The following DNMT3A variants were observed in gnomAD, a reference collection of about 807,000 sequenced individuals.
The protein encoded by DNMT3A is DNA methyltransferase 3 alpha.
Under a neutral mutation model 117.6 loss-of-function variants are expected in DNMT3A, and 267 were observed. That is an observed-to-expected ratio of 2.27 (90% CI 2.05 to 2.51). The LOEUF (loss-of-function observed/expected upper bound fraction) is 2.51, where lower values mean the gene tolerates loss of function less well. Among genes scored for constraint, DNMT3A ranks in the 30% most tolerant of loss-of-function variants. DNMT3A has a pLI of 0.00. For synonymous variants in DNMT3A, 432 were observed against 474.8 expected, an observed-to-expected ratio of 0.91 and a Z score of 1.17; for missense variants, 1,029 against 1,260.2, an observed-to-expected ratio of 0.82 and a Z score of 2.78.
rs1304501372 is a variant in DNMT3A, at chr2:25,246,750, C to T, written c.1149G>A (p.Leu383=). 3.1e-6 allele frequency: 5 copies of T among 1,613,718 alleles called. No individual in the cohort carries two copies. In the African/African-American group the frequency reaches 5.3e-5, roughly 17 times the overall value. The change falls in exon 10 of 23, where the codon CTG becomes CTA. Residue 383 remains leucine (L), a synonymous_variant. Coordinates refer to ENST00000321117, the MANE Select transcript of DNMT3A (RefSeq NM_022552.5). ...CATCGCTGTCGTGGCACACCGGGAA[C>T]AGCTTCCCCGCGCGGCTGCTGGCCA... The part of the protein sequence containing the change: ...LQVASSRAGK[L]FPVCHDSDES...
In DNMT3A at chr2:25,230,488, C is replaced by T. The variant is rs994985616; in HGVS notation, c.*3791G>A. The T allele has an allele frequency of 6.6e-6, 1 of 152,256 alleles. No homozygotes were observed. The highest frequency in any genetic ancestry group is 1.5e-5 in the Non-Finnish European group (1 of 68,062). The allele number at this position is 152,256 out of a possible 1,614,324, so 9.4% of individuals were successfully genotyped here. Reference sequence around the variant, plus strand: ...TGTTTCTAAGGGGGAAATGGGCCTACTCTTCGGAAAGAAAATTCCACAGGG... The same window carrying T: ...TGTTTCTAAGGGGGAAATGGGCCTATTCTTCGGAAAGAAAATTCCACAGGG... On this transcript the variant is annotated 3_prime_UTR_variant, in exon 23 of 23. Coordinates refer to ENST00000321117, the MANE Select transcript of DNMT3A (RefSeq NM_022552.5).
At chr2:25,244,743 C>G (rs1368973832) in intron 13 of DNMT3A, 91 bp from the exon 14 acceptor site, 5 of 1,122,812 alleles carry the variant, frequency 4.5e-6, no homozygotes, top group South Asian at 2.6e-5. Flanking sequence ...CTCACAGAGC[C>G]TAAGCCCTGA....
At chr2:25,341,232 C>T (rs891231455) in intron 1 of DNMT3A, among the ~76,000 whole-genome samples, 2 of 144,298 alleles carry the variant, frequency 1.4e-5, no homozygotes, top group South Asian at 4.2e-4. Context: ...GGGCGGGGGG[C>T]CGGGTCGTGC....
At chr2:25,302,590 G>A (rs937106853) in intron 2 of DNMT3A, among the ~76,000 whole-genome samples, 12 of 152,198 alleles carry the variant, frequency 7.9e-5, no homozygotes, top group East Asian at 5.8e-4. Context: ...GAGCAAACTC[G>A]CGGGAGCCTT....
At chr2:25,288,331 G>A (rs775514655) in intron 3 of DNMT3A, among the ~76,000 whole-genome samples, 20 of 151,950 alleles carry the variant, frequency 1.3e-4, no homozygotes, top group Non-Finnish European at 2.5e-4. Context: ...CTGCTGGGGA[G>A]GCAGCAGGAG....
intron 1 of DNMT3A, among the ~76,000 whole-genome samples, chr2:25,335,399 G>T (rs913847293): frequency 2.0e-5 from 3 of 152,240 alleles, no homozygotes; most frequent in African/African-American, 7.2e-5. Flanking sequence ...GTCTCCCGGG[G>T]TCCTCCAGGG....
rs1415811691 is a variant in DNMT3A, at chr2:25,298,549, A to T, written c.177+1590T>A. On this transcript the variant is annotated intron_variant, in intron 3 of 22. Coordinates refer to ENST00000321117, the MANE Select transcript of DNMT3A (RefSeq NM_022552.5). This position sits in a 1 kb window ranked among gnomAD's most constrained non-coding sequence, Gnocchi z 4.3. ...AGCATATTGCACGTTGCCAAGCCTCAGGAGAGAGGCAGGGCACGCTGCAAA... is the reference window on the plus strand; with the variant it reads ...AGCATATTGCACGTTGCCAAGCCTCTGGAGAGAGGCAGGGCACGCTGCAAA... Among the ~76,000 whole-genome samples the T allele has an allele frequency of 6.6e-6, 1 of 152,158 alleles. No homozygotes were observed. The highest frequency in any genetic ancestry group is 1.5e-5 in the Non-Finnish European group (1 of 68,034).
rs3039391 is a variant in DNMT3A at position 25,300,712 on chromosome 2, AATATAT to A, written c.73-475_73-470del. On this transcript the variant is annotated intron_variant, in intron 2 of 22. Coordinates refer to ENST00000321117, the MANE Select transcript of DNMT3A (RefSeq NM_022552.5). Reference sequence around the variant, plus strand: ...ATATATTTATATATCTAAATAATATAATATATATATATATATATATATATATATATA... The same window carrying A: ...ATATATTTATATATCTAAATAATATAATATATATATATATATATATATATA... 8.8e-3 allele frequency among the ~76,000 whole-genome samples: 166 copies of A among 18,800 alleles called. 2 individuals are homozygous for A. The highest frequency in any genetic ancestry group is 0.016 in the East Asian group (5 of 308). The allele number at this position is 18,800 out of a possible 152,430, so 12.3% of individuals were successfully genotyped here.
intron 2 of DNMT3A, among the ~76,000 whole-genome samples, chr2:25,310,817 GT>G (rs1293072328): frequency 2.0e-5 from 3 of 152,190 alleles, no homozygotes; most frequent in African/African-American, 7.2e-5. Context: ...TGGAGGGATG[GT>G]TAAAGGTGCC....
intron 13 of DNMT3A, among the ~76,000 whole-genome samples, chr2:25,244,956 T>C (rs1487228911): frequency 6.6e-6 from 1 of 152,202 alleles, no homozygotes; most frequent in African/African-American, 2.4e-5. Flanking sequence ...ACGGCAACCC[T>C]GCTACACTCT....
intron 20 of DNMT3A, 99 bp downstream of exon 20, chr2:25,239,031 G>T: frequency 1.0e-6 from 1 of 978,868 alleles, no homozygotes. Flanking sequence ...TTCAGCAGAG[G>T]CCGGCCAGAG....
rs745593409 is a variant in DNMT3A, at chr2:25,247,763, G to A, written c.856-14C>T. The A allele has an allele frequency of 6.2e-6, 10 of 1,610,576 alleles. No individual in the cohort carries two copies. The Admixed American group carries it at 1.5e-4, about 24-fold the overall frequency. On this transcript the variant is annotated splice_polypyrimidine_tract_variant and intron_variant, in intron 7 of 22. Coordinates refer to ENST00000321117, the MANE Select transcript of DNMT3A (RefSeq NM_022552.5). The surrounding 1 kb of genome is among the most constrained non-coding windows in gnomAD (Gnocchi z 5.6). ...GCCCCGGCCGTCCTGGAGCCCCAAG[G>A]AGCAGAAATCATTACACAGTGGTCA...
intron 4 of DNMT3A, among the ~76,000 whole-genome samples, chr2:25,278,001 T>TCACACACACA (rs71397475): frequency 0.02 from 1,787 of 90,504 alleles, 38 homozygotes; most frequent in African/African-American, 0.056. Context: ...ACTTGAGTGA[T>TCACACACACA]CACACACACA....
At chr2:25,289,567 G>C (rs1341908999) in intron 3 of DNMT3A, among the ~76,000 whole-genome samples, 2 of 152,202 alleles carry the variant, frequency 1.3e-5, no homozygotes, top group African/African-American at 2.4e-5. Context: ...ACACGCCTCT[G>C]ATCAGTAAAG....
chr2:25,321,203 TA>T (rs1213264387), intron 1 of DNMT3A, among the ~76,000 whole-genome samples: 2 of 152,094 alleles, frequency 1.3e-5, no homozygotes, highest in Non-Finnish European at 2.9e-5. Context: ...CTTACTAGGC[TA>T]AACTCAAGAT....
intron 1 of DNMT3A, among the ~76,000 whole-genome samples, chr2:25,329,585 C>T (rs576664197): frequency 1.0e-3 from 157 of 151,964 alleles, no homozygotes; most frequent in African/African-American, 3.5e-3. Context: ...CCAGCCCAGG[C>T]CCCGTGCCAC....
rs1000471527 is a variant in DNMT3A at position 25,337,333 on chromosome 2, A to T, written c.-178+4493T>A. Among the ~76,000 whole-genome samples the T allele has an allele frequency of 5.9e-5, 9 of 152,214 alleles. No individual in the cohort carries two copies. The highest frequency in any genetic ancestry group is 1.9e-4 in the African/African-American group (8 of 41,446). On this transcript the variant is annotated intron_variant, in intron 1 of 22. Coordinates refer to ENST00000321117, the MANE Select transcript of DNMT3A (RefSeq NM_022552.5). The surrounding 1 kb of genome is among the most constrained non-coding windows in gnomAD (Gnocchi z 5.0). ...CGAGGCTTCTTAGAGCACTTCCTGC[A>T]GTGCTAGTCCACGTGAGCCACCCAA... is the stretch of plus-strand genomic sequence containing the variant.
intron 1 of DNMT3A, chr2:25,328,735 C>A: frequency 2.0e-6 from 1 of 500,456 alleles, no homozygotes; most frequent in South Asian, 1.5e-5. Flanking sequence ...TTCTAGGGGT[C>A]GCTTGGCAGA....
chr2:25,239,395 C>T (rs942874589), intron 19 of DNMT3A, 180 bp from the exon 20 acceptor site: 2 of 668,846 alleles, frequency 3.0e-6, no homozygotes, highest in African/African-American at 1.8e-5. Context: ...ATTCCACAAG[C>T]TGTCACTGGA....
Sources: allele counts gnomAD v4.1 joint callset (sites outside exome capture counted in the v4.1 genomes callset), GRCh38; gene constraint gnomAD v4.1.1; non-coding constraint Gnocchi (gnomAD v3.1); transcripts MANE v1.5; gene names NCBI Gene and HGNC (gene_info 2026-07-23, HGNC 2026-07-21).